Variants in ERAP2 observed in about 807,000 individuals in gnomAD.
ERAP2 encodes the protein endoplasmic reticulum aminopeptidase 2, also known as leukocyte-derived arginine aminopeptidase.
In ERAP2, 118 loss-of-function variants were observed where a neutral mutation model predicts 111.1. That is an observed-to-expected ratio of 1.06 (90% CI 0.92 to 1.24). The LOEUF is 1.24. ERAP2 is among the 50% of genes most tolerant of loss of function. The pLI, the probability that ERAP2 is intolerant of heterozygous loss-of-function variation, is 0.00. For synonymous variants in ERAP2, 410 were observed against 401.2 expected (o/e 1.02, Z -0.26); for missense variants, 1,131 against 1,125.8 (o/e 1.00, Z -0.07).
At chr5:96,898,973 C>T (rs1045986585) in intron 9 of ERAP2, among the ~76,000 whole-genome samples, 11 of 152,060 alleles carry the variant, frequency 7.2e-5, no homozygotes, top group East Asian at 1.9e-4. Context: ...CCCTCCAACA[C>T]GGAAGAATCT....
chr5:96,915,904 A>T, intron 18 of ERAP2, 135 bp downstream of exon 18: 2 of 620,956 alleles, frequency 3.2e-6, no homozygotes, highest in East Asian at 6.3e-5. Context: ...GCCATATAGC[A>T]AGTAAATGGA....
In ERAP2 at chr5:96,909,720, T is replaced by C; in HGVS notation, c.2310T>C (p.Ala770=). The stretch of plus-strand genomic sequence containing the variant: ...ACCATGCTCCTTGCATCCAGAAAGC[T>C]GCTGAACTCTTCTCCCAGTGGATGG... ...DLNHAPCIQK[A]AELFSQWMES... The change falls in exon 15 of 19, where the codon GCT becomes GCC. Residue 770 remains alanine, a synonymous_variant. Transcript: ENST00000437043. 6.2e-7 allele frequency: 1 copy of C among 1,614,212 alleles called. No individual in the cohort carries two copies. Among genetic ancestry groups the C allele is most frequent in the East Asian group, 2.2e-5 (1 of 44,888 alleles).
At position 96,896,735 on chromosome 5, in the gene ERAP2, G is replaced by A. The variant is rs757855050; in HGVS notation, c.1375G>A (p.Ala459Thr). ...MFDEVSYNKGACILNMLKDFL... is the reference protein window; with the variant it reads ...MFDEVSYNKGTCILNMLKDFL... ...ACTCTTTTGTTTTTTTTTAAAGGGA[G>A]CTTGTATTTTGAATATGCTCAAGGA... Residue 459 changes from alanine (A) to threonine (T), a missense_variant, in exon 9 of 19, where the codon GCT (alanine) becomes ACT (threonine). By Grantham distance (58) the Ala-to-Thr change is moderately conservative (BLOSUM62 0). Coordinates refer to ENST00000437043, the MANE Select transcript of ERAP2 (RefSeq NM_022350.5). 8 of 1,571,166 alleles carry A rather than the reference G, an allele frequency of 5.1e-6. No individual in the cohort carries two copies. Among genetic ancestry groups the A allele is most frequent in the Non-Finnish European group, 6.9e-6 (8 of 1,166,676 alleles).
chr5:96,895,380 A>T (rs1291451307), intron 7 of ERAP2, 21 bp downstream of exon 7: 1 of 1,413,172 alleles, frequency 7.1e-7, no homozygotes. Flanking sequence ...AATTCTGTGT[A>T]TCATACTATA....
intron 18 of ERAP2, 66 bp from the exon 19 acceptor site, chr5:96,917,396 C>A: frequency 5.0e-6 from 7 of 1,387,248 alleles, no homozygotes; most frequent in Non-Finnish European, 6.9e-6. Context: ...GCTGGGATTA[C>A]AGGTGTGAAC....
Position 96,907,480 on chromosome 5 carries a change from A to G in ERAP2, c.2013-1481A>G, listed in dbSNP as rs1237874181. On this transcript the variant is annotated intron_variant, in intron 13 of 18. Transcript: ENST00000437043. ...TTCTTCTTAAAATTGTGGCCCTGGA[A>G]TATCATTTCTGCCTATTGCTGATGC... is the stretch of plus-strand genomic sequence containing the variant. Among the ~76,000 whole-genome samples the G allele has an allele frequency of 2.6e-5, 4 of 152,330 alleles. No individual in the cohort carries two copies. In the East Asian group the frequency reaches 7.7e-4, roughly 29 times the overall value.
At chr5:96,893,286 G>A (rs1024928500) in intron 6 of ERAP2, among the ~76,000 whole-genome samples, 4 of 152,078 alleles carry the variant, frequency 2.6e-5, no homozygotes, top group African/African-American at 7.2e-5. Flanking sequence ...TCACCAAGTG[G>A]GCAAATATCA....
chr5:96,906,464 G>A (rs1300594570), intron 13 of ERAP2, among the ~76,000 whole-genome samples: 1 of 152,134 alleles, frequency 6.6e-6, no homozygotes, highest in Non-Finnish European at 1.5e-5. Flanking sequence ...GATGGCGTCT[G>A]CCTATGTTGT....
In ERAP2 at chr5:96,908,915, A is replaced by G. The variant is rs759777684; in HGVS notation, c.2013-46A>G. 9.1e-6 allele frequency: 14 copies of G among 1,544,204 alleles called. No individual in the cohort carries two copies. The South Asian group carries it at 1.6e-4, about 17-fold the overall frequency. ...TTGTTTTAATGTTAAAAATATTAAA[A>G]ACTATAAGATATGCACAAACCACTG... is the stretch of plus-strand genomic sequence containing the variant. On this transcript the variant is annotated intron_variant, in intron 13 of 18. Transcript: ENST00000437043.
chr5:96,881,350 C>A (rs1463446496), intron 2 of ERAP2: 1 of 450,444 alleles, frequency 2.2e-6, no homozygotes, highest in African/African-American at 2.0e-5. Flanking sequence ...TTGAACTTGG[C>A]AGTTATTTTG....
In ERAP2 at chr5:96,902,718, T is replaced by C. The variant is rs539640456; in HGVS notation, c.1828+365T>C. ...ATTGATTGCTTCTGGATTCAAGTCCTCACTCTCTCACTTATTAGATGTGTG... is the reference window on the plus strand; with the variant it reads ...ATTGATTGCTTCTGGATTCAAGTCCCCACTCTCTCACTTATTAGATGTGTG... On this transcript the variant is annotated intron_variant, in intron 12 of 18. Coordinates refer to ENST00000437043, the MANE Select transcript of ERAP2 (RefSeq NM_022350.5). 64 of 177,194 alleles carry C rather than the reference T, an allele frequency of 3.6e-4. 1 individual carries two copies. In the South Asian group the frequency reaches 7.6e-3, roughly 21 times the overall value. The allele number at this position is 177,194 out of a possible 1,614,324, so 11.0% of individuals were successfully genotyped here. A position where few individuals can be genotyped will look rare whatever the true frequency, so the allele number is the denominator to read the frequency against.
intron 5 of ERAP2, among the ~76,000 whole-genome samples, chr5:96,890,429 C>G (rs1397975947): frequency 2.0e-5 from 3 of 152,212 alleles, no homozygotes; most frequent in Non-Finnish European, 4.4e-5. Context: ...TCGCCCACCG[C>G]TCACCTCCTG....
chr5:96,908,971 C>T lies in ERAP2; in HGVS notation c.2023C>T (p.Leu675=). 6.2e-7 allele frequency: 1 copy of T among 1,614,030 alleles called. No individual in the cohort carries two copies. The change falls in exon 14 of 19, where the codon CTG becomes TTG. Residue 675 remains leucine (L), a synonymous_variant. Coordinates refer to ENST00000437043, the MANE Select transcript of ERAP2 (RefSeq NM_022350.5). The part of the protein sequence containing the change: ...DVFQLVGAGR[L]TLDKALDMTY... The stretch of plus-strand genomic sequence containing the variant: ...TGTTTTATACTTCAGTGCAGGGAGA[C>T]TGACCCTAGACAAAGCTCTTGACAT...
intron 1 of ERAP2, among the ~76,000 whole-genome samples, chr5:96,877,527 T>C (rs1782671887): frequency 6.6e-6 from 1 of 152,240 alleles, no homozygotes; most frequent in Non-Finnish European, 1.5e-5. Context: ...TGCTGTGCTG[T>C]GCCAACTTCT....
Position 96,883,913 on chromosome 5 carries a change from C to T in ERAP2, c.697C>T (p.Leu233=). ...KIRRESRHIA[L]SNMPKVKTIE... is the part of the protein sequence containing the mutation. ...ACGAAGAGAGAGCAGGCATATTGCA[C>T]TATCCAACATGCCAAAGGTATGTCC... The change falls in exon 3 of 19, where the codon CTA becomes TTA. Residue 233 remains leucine, a synonymous_variant. Transcript: ENST00000437043. 1 of 1,610,592 alleles carries T rather than the reference C, an allele frequency of 6.2e-7. No homozygotes were observed. Among genetic ancestry groups the T allele is most frequent in the South Asian group, 1.1e-5 (1 of 90,292 alleles).
chr5:96,895,861 T>A (rs1281249396), intron 7 of ERAP2, among the ~76,000 whole-genome samples: 1 of 152,190 alleles, frequency 6.6e-6, no homozygotes, highest in Non-Finnish European at 1.5e-5. Context: ...ATCAAGGTGG[T>A]TAGTAATGGT....
At position 96,909,167 on chromosome 5, in the gene ERAP2, G is replaced by A. The variant is rs895147633; in HGVS notation, c.2169+50G>A. ...ATTAAGTAAATACACAGTGTCTGGA[G>A]TATCAGTCAGGCTCAGTTTGTTTTG... is the stretch of plus-strand genomic sequence containing the variant. On this transcript the variant is annotated intron_variant, in intron 14 of 18. Transcript: ENST00000437043. 3.8e-6 allele frequency: 6 copies of A among 1,570,260 alleles called. No homozygotes were observed. The African/African-American group carries it at 5.4e-5, about 14-fold the overall frequency.
intron 13 of ERAP2, among the ~76,000 whole-genome samples, chr5:96,908,211 G>A (rs745930202): frequency 6.6e-5 from 10 of 152,144 alleles, no homozygotes; most frequent in Non-Finnish European, 1.5e-4. Flanking sequence ...TGGGAGTTGG[G>A]TGTTCACAAG....
At chr5:96,888,120 A>T (rs1783953863) in intron 4 of ERAP2, among the ~76,000 whole-genome samples, 1 of 123,876 alleles carries the variant, frequency 8.1e-6, no homozygotes, top group Non-Finnish European at 1.7e-5. Flanking sequence ...GTGAGACTTC[A>T]TCTCAAAAGA....
Sources: allele counts gnomAD v4.1 joint callset (sites outside exome capture counted in the v4.1 genomes callset), GRCh38; gene constraint gnomAD v4.1.1; transcripts MANE v1.5; gene names NCBI Gene and HGNC (gene_info 2026-07-23, HGNC 2026-07-21).